DNM2: variants seen among roughly 807,000 people sequenced by gnomAD.
DNM2 encodes dynamin-2.
In DNM2, 15 loss-of-function variants were observed where a neutral mutation model predicts 99.0. That is an observed-to-expected ratio of 0.15 (90% CI 0.10 to 0.23). The LOEUF (loss-of-function observed/expected upper bound fraction) is 0.23. Ranked by LOEUF, DNM2 falls within the 10% of genes least tolerant of loss-of-function variation. The pLI is 1.00. For synonymous variants in DNM2, 525 were observed against 481.2 expected (o/e 1.09, Z -1.19); for missense variants, 742 against 1,189.4 (o/e 0.62, Z 5.53).
In DNM2 at chr19:10,825,198, A is replaced by G. The variant is rs1381561772; in HGVS notation, c.2035A>G (p.Ile679Val). 1.9e-6 allele frequency: 3 copies of G among 1,614,052 alleles called. No homozygotes were observed. The African/African-American group carries it at 4.0e-5, about 22-fold the overall frequency. The change falls in exon 18 of 21, where the codon ATC becomes GTC. Residue 679 changes from isoleucine (I) to valine (V), a missense_variant. Ile to Val is a conservative substitution (Grantham distance 29). Coordinates refer to ENST00000389253, the MANE Select transcript of DNM2 (RefSeq NM_001005361.3). ...CATCCGCGACCTCATGCCAAAGACC[A>G]TCATGCACCTCATGATCAACAATGT... is the stretch of plus-strand genomic sequence containing the variant. ...KSIRDLMPKT[I>V]MHLMINNTKA...
chr19:10,778,410 G>A (rs551779878), intron 5 of DNM2, among the ~76,000 whole-genome samples: 1 of 152,166 alleles, frequency 6.6e-6, no homozygotes, highest in South Asian at 2.1e-4. Flanking sequence ...TCAGTGCTTT[G>A]GGAGGCTGAG....
intron 12 of DNM2, among the ~76,000 whole-genome samples, chr19:10,804,820 C>A (rs890621024): frequency 1.3e-5 from 2 of 152,208 alleles, no homozygotes; most frequent in African/African-American, 4.8e-5. Flanking sequence ...GAAACAGAAG[C>A]CTACTTTCTC....
chr19:10,745,093 T>C (rs139147678), intron 1 of DNM2, among the ~76,000 whole-genome samples: 2 of 152,136 alleles, frequency 1.3e-5, no homozygotes, highest in East Asian at 3.9e-4. Context: ...TTTGCACACC[T>C]CACATGACCT....
intron 2 of DNM2, among the ~76,000 whole-genome samples, chr19:10,768,060 T>A (rs758857659): frequency 2.0e-5 from 3 of 152,272 alleles, no homozygotes; most frequent in Non-Finnish European, 4.4e-5. Flanking sequence ...ACTGACCCAC[T>A]AGGGAAGAAA....
chr19:10,826,564 A>G (rs1162321223), intron 18 of DNM2, among the ~76,000 whole-genome samples: 1 of 152,224 alleles, frequency 6.6e-6, no homozygotes, highest in Non-Finnish European at 1.5e-5. Flanking sequence ...GGCCTTTGGC[A>G]TGGCACTAGC....
intron 2 of DNM2, among the ~76,000 whole-genome samples, chr19:10,766,526 T>A (rs1213233162): frequency 1.3e-5 from 2 of 151,962 alleles, no homozygotes; most frequent in Non-Finnish European, 2.9e-5. Flanking sequence ...GGGGCCCCAG[T>A]TGGGGGTTCC....
chr19:10,735,230 G>A (rs1599441473), intron 1 of DNM2, among the ~76,000 whole-genome samples: 1 of 151,898 alleles, frequency 6.6e-6, no homozygotes, highest in Non-Finnish European at 1.5e-5. Context: ...TTTTTAGACG[G>A]GGTTTCACCG....
chr19:10,814,330 G>T (rs1298360904), intron 15 of DNM2, among the ~76,000 whole-genome samples: 1 of 152,130 alleles, frequency 6.6e-6, no homozygotes, highest in African/African-American at 2.4e-5. Context: ...CTGGCGTGGT[G>T]GCGCATACCT....
intron 18 of DNM2, among the ~76,000 whole-genome samples, chr19:10,826,886 CAA>C (rs889888279): frequency 2.0e-5 from 3 of 150,636 alleles, no homozygotes; most frequent in Admixed American, 6.6e-5. Flanking sequence ...GAACCTCTTT[CAA>C]AAAAAAAGTG....
intron 5 of DNM2, among the ~76,000 whole-genome samples, chr19:10,777,645 A>G (rs1223114465): frequency 6.6e-6 from 1 of 152,116 alleles, no homozygotes; most frequent in Non-Finnish European, 1.5e-5. Context: ...CCCAAGCTAT[A>G]GTACAGTGGC....
rs1599506073 is a variant in DNM2 at position 10,764,985 on chromosome 19, A to T, written c.235+5174A>T. ...TCTTTTTTTTTTTTTTTTGAGATGG[A>T]GTCTCGCTGTCGCCCAGGCTGGAGT... is the stretch of plus-strand genomic sequence containing the variant. On this transcript the variant is annotated intron_variant, in intron 2 of 20. Coordinates refer to ENST00000389253, the MANE Select transcript of DNM2 (RefSeq NM_001005361.3). The surrounding 1 kb of genome is among the most constrained non-coding windows in gnomAD (Gnocchi z 4.1). Among the ~76,000 whole-genome samples, 9 of 132,994 alleles carry T rather than the reference A, an allele frequency of 6.8e-5. No homozygotes were observed. The Admixed American group carries it at 7.1e-4, about 11-fold the overall frequency. The allele number at this position is 132,994 out of a possible 152,430, so 87.2% of individuals were successfully genotyped here.
rs1324997879 is a variant in DNM2 at position 10,830,417 on chromosome 19, A to C, written c.2543+39A>C. ...CCTGCCCTCCACCCCAACTGCCTGCACCCTGGGGTCTCTCCTCCTGTCTCA... is the reference window on the plus strand; with the variant it reads ...CCTGCCCTCCACCCCAACTGCCTGCCCCCTGGGGTCTCTCCTCCTGTCTCA... On this transcript the variant is annotated intron_variant, in intron 20 of 20. Coordinates refer to ENST00000389253, the MANE Select transcript of DNM2 (RefSeq NM_001005361.3). This position sits in a 1 kb window ranked among gnomAD's most constrained non-coding sequence, Gnocchi z 4.8. 1 of 1,595,734 alleles carries C rather than the reference A, an allele frequency of 6.3e-7. No individual in the cohort carries two copies. The highest frequency in any genetic ancestry group is 2.2e-5 in the East Asian group (1 of 44,750).
Position 10,796,227 on chromosome 19 carries a change from T to C in DNM2, c.1196+788T>C. On this transcript the variant is annotated intron_variant, in intron 9 of 20. Coordinates refer to ENST00000389253, the MANE Select transcript of DNM2 (RefSeq NM_001005361.3). The surrounding 1 kb of genome is among the most constrained non-coding windows in gnomAD (Gnocchi z 5.6). ...ATTGCTCCCTCGGCAGGGTGACTCC[T>C]GACCTTGTGGAAACGGGGGTACGGG... The C allele has an allele frequency of 6.2e-7, 1 of 1,613,710 alleles. No homozygotes were observed. The highest frequency in any genetic ancestry group is 8.5e-7 in the Non-Finnish European group (1 of 1,179,984).
intron 1 of DNM2, among the ~76,000 whole-genome samples, chr19:10,757,441 C>T (rs1372617628): frequency 3.9e-5 from 6 of 152,174 alleles, no homozygotes; most frequent in Non-Finnish European, 8.8e-5. Context: ...AGAAACAGGT[C>T]TTCTGGAACC....
intron 6 of DNM2, 96 bp from the exon 7 acceptor site, chr19:10,786,468 A>G (rs1176137003): frequency 6.3e-7 from 1 of 1,590,368 alleles, no homozygotes; most frequent in Non-Finnish European, 8.6e-7. Flanking sequence ...GCATAGTGGC[A>G]CCCTGGTGTT....
rs1568283887 is a variant in DNM2 at position 10,759,822 on chromosome 19, GCGGCCT to G, written c.235+12_235+17del. On this transcript the variant is annotated intron_variant, in intron 2 of 20. Transcript: ENST00000389253. Reference sequence around the variant, plus strand: ...TCTTCTCAAAAACAGGTAAAATGGGGCGGCCTGAGGTTCAGCAGGAAGTGGATGTGG... The same window carrying G: ...TCTTCTCAAAAACAGGTAAAATGGGGGAGGTTCAGCAGGAAGTGGATGTGG... The G allele has an allele frequency of 6.2e-7, 1 of 1,614,096 alleles. No individual in the cohort carries two copies. Among genetic ancestry groups the G allele is most frequent in the Non-Finnish European group, 8.5e-7 (1 of 1,180,016 alleles).
intron 7 of DNM2, 175 bp downstream of exon 7, chr19:10,786,881 AGG>A (rs1308340338): frequency 7.3e-7 from 1 of 1,364,668 alleles, no homozygotes; most frequent in African/African-American, 1.4e-5. Flanking sequence ...GCCCCAGTGG[AGG>A]GGACAGGTGT....
At position 10,796,316 on chromosome 19, in the gene DNM2, T is replaced by G; in HGVS notation, c.1196+877T>G. On this transcript the variant is annotated intron_variant, in intron 9 of 20. Transcript: ENST00000389253. This position sits in a 1 kb window ranked among gnomAD's most constrained non-coding sequence, Gnocchi z 5.6. Reference sequence around the variant, plus strand: ...CTGGTGCCTTTTCTCCCCATATCGCTTTGTGTCCGTGAACTTGGCCTCTCC... The same window carrying G: ...CTGGTGCCTTTTCTCCCCATATCGCGTTGTGTCCGTGAACTTGGCCTCTCC... The G allele has an allele frequency of 6.7e-7, 1 of 1,495,636 alleles. No individual in the cohort carries two copies. The highest frequency in any genetic ancestry group is 9.2e-7 in the Non-Finnish European group (1 of 1,083,918). 92.6% of individuals were successfully genotyped at this position (1,495,636 alleles called of 1,614,324 possible).
At chr19:10,808,412 A>C (rs1048378003) in intron 13 of DNM2, 157 bp from the exon 14 acceptor site, 1 of 667,052 alleles carries the variant, frequency 1.5e-6, no homozygotes, top group Admixed American at 3.1e-5. Flanking sequence ...AATAGCATGT[A>C]ATTTTTTTTC....
Sources: gnomAD v4.1 joint callset for allele counts (sites outside exome capture counted in the v4.1 genomes callset) on GRCh38, gnomAD v4.1.1 for gene constraint, Gnocchi (gnomAD v3.1) non-coding constraint, MANE v1.5 for transcripts, NCBI Gene and HGNC (gene_info 2026-07-23, HGNC 2026-07-21) for gene names.